RAD51AP2: variants seen among roughly 807,000 people sequenced by gnomAD.
RAD51AP2 encodes RAD51-associated protein 2.
Under a neutral mutation model 85.5 loss-of-function variants are expected in RAD51AP2, and 67 were observed. The ratio of observed to expected loss-of-function variants is 0.78; its 90% confidence interval spans 0.64 to 0.96. The LOEUF is 0.96. Ranked by LOEUF, RAD51AP2 falls within the 40% of genes least tolerant of loss-of-function variation. The pLI is 0.00. For synonymous variants in RAD51AP2, 474 were observed against 446.5 expected (o/e 1.06, Z -0.78); for missense variants, 1,307 against 1,332.4 (o/e 0.98, Z 0.30).
At chr2:17,532,573 T>G in the RAD51AP2 span, among the ~76,000 whole-genome samples, 8 of 152,130 alleles carry the variant, frequency 5.3e-5, no homozygotes. Context: ...GGTTTTAGTG[T>G]CCAGAACAAA....
intron 2 of RAD51AP2, among the ~76,000 whole-genome samples, chr2:17,513,118 C>A (rs563022523): frequency 1.3e-5 from 2 of 152,118 alleles, no homozygotes; most frequent in African/African-American, 4.8e-5. Context: ...CCTACCCCTA[C>A]CCTACACCCT....
chr2:17,517,529 ATGTT>A lies in RAD51AP2; in HGVS notation c.883_886del (p.Asn295PhefsTer22), dbSNP rs1211019183. On this transcript the variant is annotated frameshift_variant, in exon 1 of 3. Transcript: ENST00000399080. LOFTEE classifies it high-confidence loss of function. ...ATCAGGTCTATTTTGGGACCAGTAA[ATGTT>A]TGTGAAATCCCTAACATATGCCTCT... 6.2e-7 allele frequency: 1 copy of A among 1,613,642 alleles called. No individual in the cohort carries two copies. The highest frequency in any genetic ancestry group is 1.7e-5 in the Admixed American group (1 of 59,934).
At chr2:17,523,062 T>C (rs756392609), upstream of RAD51AP2, among the ~76,000 whole-genome samples, 1 of 151,902 alleles carries the variant, frequency 6.6e-6, no homozygotes, top group Non-Finnish European at 1.5e-5. Context: ...ATGTGTAATA[T>C]GAGCAAATTA....
the RAD51AP2 span, among the ~76,000 whole-genome samples, chr2:17,525,309 G>A: frequency 4.6e-5 from 7 of 152,064 alleles, no homozygotes; most frequent in South Asian, 4.1e-4. Context: ...CCTTTTAAGA[G>A]GAGAATTAAT....
chr2:17,527,634 T>G, the RAD51AP2 span, among the ~76,000 whole-genome samples: 1 of 152,172 alleles, frequency 6.6e-6, no homozygotes, highest in Non-Finnish European at 1.5e-5. Context: ...ACAGCTGCTT[T>G]GAGGGTAAGA....
the RAD51AP2 span, among the ~76,000 whole-genome samples, chr2:17,533,341 TTC>T: frequency 6.6e-6 from 1 of 152,204 alleles, no homozygotes; most frequent in African/African-American, 2.4e-5. Flanking sequence ...AAACTTGCAT[TTC>T]TGTTTTTACT....
chr2:17,522,205 T>C (rs1255275724), upstream of RAD51AP2, among the ~76,000 whole-genome samples: 5 of 152,048 alleles, frequency 3.3e-5, no homozygotes, highest in Admixed American at 6.6e-5. Flanking sequence ...TTCCTCATAG[T>C]TCAGTTCTAA....
chr2:17,524,491 T>C, the RAD51AP2 span, among the ~76,000 whole-genome samples: 12 of 152,130 alleles, frequency 7.9e-5, no homozygotes, highest in Admixed American at 6.6e-4. Flanking sequence ...GTCCAAAAGC[T>C]GAGTCTTAAA....
the RAD51AP2 span, among the ~76,000 whole-genome samples, chr2:17,526,637 T>G: frequency 6.6e-6 from 1 of 152,094 alleles, no homozygotes; most frequent in Non-Finnish European, 1.5e-5. Context: ...TATGCCAGTT[T>G]AAACTCCAAA....
Position 17,517,991 on chromosome 2 carries a change from G to T in RAD51AP2, c.425C>A (p.Ala142Asp), listed in dbSNP as rs767142324. 3 of 1,614,078 alleles carry T rather than the reference G, an allele frequency of 1.9e-6. No homozygotes were observed. Among genetic ancestry groups the T allele is most frequent in the Non-Finnish European group, 2.5e-6 (3 of 1,180,046 alleles). Residue 142 changes from alanine to aspartate, a missense_variant, in exon 1 of 3, where the codon GCT (alanine) becomes GAT (aspartate). Ala to Asp is a moderately radical substitution (Grantham distance 126). Coordinates refer to ENST00000399080, the MANE Select transcript of RAD51AP2 (RefSeq NM_001099218.3). Reference protein sequence around the residue: ...RSEAGLHDREAFSVHRSNSSK... With the variant: ...RSEAGLHDREDFSVHRSNSSK... Reference sequence around the variant, plus strand: ...GCTATTACTGCGGTGCACACTGAAAGCCTCTCTGTCATGCAGGCCTGCCTC... The same window carrying T: ...GCTATTACTGCGGTGCACACTGAAATCCTCTCTGTCATGCAGGCCTGCCTC...
At chr2:17,536,063 G>A in the RAD51AP2 span, among the ~76,000 whole-genome samples, 1 of 151,650 alleles carries the variant, frequency 6.6e-6, no homozygotes, top group East Asian at 1.9e-4. Context: ...TGTCTCTGAG[G>A]GGGCATAGAA....
Position 17,518,058 on chromosome 2 carries a change from AG to A in RAD51AP2, c.357del (p.Ser120HisfsTer8), listed in dbSNP as rs750569378. 171 of 1,613,964 alleles carry A rather than the reference AG, an allele frequency of 1.1e-4. No homozygotes were observed. The highest frequency in any genetic ancestry group is 1.4e-4 in the Non-Finnish European group (167 of 1,180,016). On this transcript the variant is annotated frameshift_variant, in exon 1 of 3. Transcript: ENST00000399080. LOFTEE classifies it high-confidence loss of function. ...CTCAAATCAGAATCAGGACTTTGTG[AG>A]GGGGGAGACTGCAAACAGCTACTCA... ...FQMSSCLQSPPSQSPDSDLRA... is the reference protein window; with the variant it reads ...FQMSSCLQSPXSQSPDSDLRA...
In RAD51AP2 at chr2:17,516,174, A is replaced by G; in HGVS notation, c.2242T>C (p.Tyr748His). ...ACTTCATAAAAATTTTCATTAATGTATCCTCGGTTGTTCTGTATAAATTGA... is the reference window on the plus strand; with the variant it reads ...ACTTCATAAAAATTTTCATTAATGTGTCCTCGGTTGTTCTGTATAAATTGA... ...CPQFIQNNRG[Y>H]INENFYEVNM... Residue 748 changes from tyrosine (Y) to histidine (H), a missense_variant, in exon 1 of 3, where the codon TAC becomes CAC. Tyr to His is a moderately conservative substitution (Grantham distance 83). This residue lies in a region of RAD51AP2 where 668 missense variants were observed against 671.0 expected (regional missense o/e 1.00). Transcript: ENST00000399080. The G allele has an allele frequency of 6.2e-7, 1 of 1,613,412 alleles. No homozygotes were observed. Among genetic ancestry groups the G allele is most frequent in the Non-Finnish European group, 8.5e-7 (1 of 1,179,626 alleles).
At chr2:17,512,534 A>G (rs1662521735) in intron 2 of RAD51AP2, among the ~76,000 whole-genome samples, 1 of 152,228 alleles carries the variant, frequency 6.6e-6, no homozygotes, top group African/African-American at 2.4e-5. Flanking sequence ...GGGTTTAGAT[A>G]TTTCAAACAA....
In RAD51AP2 at chr2:17,516,175, TC is replaced by T; in HGVS notation, c.2240del (p.Gly747AspfsTer10). 6.2e-7 allele frequency: 1 copy of T among 1,613,436 alleles called. No individual in the cohort carries two copies. Among genetic ancestry groups the T allele is most frequent in the Non-Finnish European group, 8.5e-7 (1 of 1,179,656 alleles). ...CTTCATAAAAATTTTCATTAATGTA[TC>T]CTCGGTTGTTCTGTATAAATTGAGG... ...SCPQFIQNNRGYINENFYEVN... is the reference protein window; with the variant it reads ...SCPQFIQNNRXYINENFYEVN... On this transcript the variant is annotated frameshift_variant, in exon 1 of 3. Coordinates refer to ENST00000399080, the MANE Select transcript of RAD51AP2 (RefSeq NM_001099218.3). LOFTEE classifies it high-confidence loss of function.
the RAD51AP2 span, among the ~76,000 whole-genome samples, chr2:17,536,753 A>C: frequency 3.3e-5 from 5 of 152,216 alleles, no homozygotes; most frequent in African/African-American, 1.2e-4. Flanking sequence ...ATGATCAATC[A>C]AGTTCATTAA....
In RAD51AP2 at chr2:17,516,709, T is replaced by C; in HGVS notation, c.1707A>G (p.Gln569=). The C allele has an allele frequency of 6.3e-7, 1 of 1,576,980 alleles. No homozygotes were observed. Among genetic ancestry groups the C allele is most frequent in the Non-Finnish European group, 8.6e-7 (1 of 1,158,736 alleles). Residue 569 remains glutamine (Q), a synonymous_variant, in exon 1 of 3, where the codon CAA becomes CAG. Coordinates refer to ENST00000399080, the MANE Select transcript of RAD51AP2 (RefSeq NM_001099218.3). The stretch of plus-strand genomic sequence containing the variant: ...TATCTAAAGGTTCTGAAACACTATC[T>C]TGTAAATATATGCTTAAAATTCCAT... The part of the protein sequence containing the change: ...IKNGILSIYL[Q]DSVSEPLDIL...
At chr2:17,523,669 T>C in the RAD51AP2 span, among the ~76,000 whole-genome samples, 3 of 151,896 alleles carry the variant, frequency 2.0e-5, no homozygotes, top group Non-Finnish European at 4.4e-5. Flanking sequence ...CTCGTTGTAG[T>C]TAGTTTTCAT....
At chr2:17,535,941 A>T in the RAD51AP2 span, among the ~76,000 whole-genome samples, 1 of 149,892 alleles carries the variant, frequency 6.7e-6, no homozygotes, top group Non-Finnish European at 1.5e-5. Flanking sequence ...ACACCAAAAA[A>T]AAAAAAAAAA....
Sources: allele counts gnomAD v4.1 joint callset (sites outside exome capture counted in the v4.1 genomes callset), GRCh38; gene constraint gnomAD v4.1.1; regional missense constraint gnomAD v4.1.1; transcripts MANE v1.5; gene names NCBI Gene and HGNC (gene_info 2026-07-23, HGNC 2026-07-21).